Variants in GRM8 observed in about 807,000 individuals in gnomAD.
GRM8 encodes the protein glutamate metabotropic receptor 8, also known as metabotropic glutamate receptor 8.
Under a neutral mutation model 87.2 loss-of-function variants are expected in GRM8, and 47 were observed. That is an observed-to-expected ratio of 0.54 (90% CI 0.43 to 0.69). The LOEUF (loss-of-function observed/expected upper bound fraction) is 0.69. GRM8 is among the 30% of genes least tolerant of loss of function. The pLI, the probability that GRM8 is intolerant of heterozygous loss-of-function variation, is 0.00. For missense variants in GRM8, 1,019 were observed against 1,139.2 expected (o/e 0.89, Z 1.52); for synonymous variants, 396 against 404.5 (o/e 0.98, Z 0.25).
intron 3 of GRM8, among the ~76,000 whole-genome samples, chr7:126,991,222 C>T (rs2131948426): frequency 6.6e-6 from 1 of 152,154 alleles, no homozygotes; most frequent in East Asian, 1.9e-4. Context: ...CTTTACTGTT[C>T]CACTTACTAG....
intron 6 of GRM8, among the ~76,000 whole-genome samples, chr7:126,833,369 A>T (rs1795566687): frequency 6.6e-6 from 1 of 152,206 alleles, no homozygotes; most frequent in South Asian, 2.1e-4. Flanking sequence ...AGTTAACTCC[A>T]GCTATGTCCA....
chr7:126,829,977 A>T (rs992077414), intron 6 of GRM8, among the ~76,000 whole-genome samples: 1 of 152,080 alleles, frequency 6.6e-6, no homozygotes, highest in Non-Finnish European at 1.5e-5. Flanking sequence ...AGTTTGGCTG[A>T]ATATGAAATT....
At chr7:126,984,723 A>C (rs921960499) in intron 3 of GRM8, among the ~76,000 whole-genome samples, 1 of 152,114 alleles carries the variant, frequency 6.6e-6, no homozygotes, top group Non-Finnish European at 1.5e-5. Context: ...CCTAATATAG[A>C]TTTTGTCATT....
At chr7:127,170,379 T>C (rs765275302) in intron 2 of GRM8, among the ~76,000 whole-genome samples, 2 of 152,336 alleles carry the variant, frequency 1.3e-5, no homozygotes, top group African/African-American at 4.8e-5. Context: ...GGAACACTTT[T>C]ACACTGCTGG....
intron 7 of GRM8, among the ~76,000 whole-genome samples, chr7:126,659,011 G>C (rs1346500620): frequency 2.0e-5 from 3 of 152,026 alleles, no homozygotes; most frequent in African/African-American, 7.3e-5. Flanking sequence ...CACACTTGTA[G>C]GTAATTAATA....
intron 7 of GRM8, among the ~76,000 whole-genome samples, chr7:126,764,938 T>TA (rs1353947895): frequency 6.6e-6 from 1 of 152,052 alleles, no homozygotes; most frequent in African/African-American, 2.4e-5. Flanking sequence ...ACTCCCTGCT[T>TA]AAGCTTTCCC....
At chr7:126,532,684 G>C (rs201798924) in intron 9 of GRM8, among the ~76,000 whole-genome samples, 5 of 150,220 alleles carry the variant, frequency 3.3e-5, no homozygotes, top group African/African-American at 9.8e-5. Flanking sequence ...CCTTGCCAAG[G>C]AGGACACATT....
At chr7:127,091,473 C>A in intron 3 of GRM8, among the ~76,000 whole-genome samples, 1 of 88,366 alleles carries the variant, frequency 1.1e-5, no homozygotes, top group South Asian at 6.2e-4. Context: ...CCACCACCAT[C>A]CCCGTCTCAC....
intron 2 of GRM8, among the ~76,000 whole-genome samples, chr7:127,163,541 T>C (rs1188305672): frequency 6.6e-6 from 1 of 152,214 alleles, no homozygotes. Context: ...CCTTAATTCC[T>C]TTTATAAATA....
Position 127,252,827 on chromosome 7 carries a change from G to A in GRM8, c.-342C>T. On this transcript the variant is annotated 5_prime_UTR_variant, in exon 1 of 11. Coordinates refer to ENST00000339582, the MANE Select transcript of GRM8 (RefSeq NM_000845.3). The surrounding 1 kb of genome is among the most constrained non-coding windows in gnomAD (Gnocchi z 4.9). ...TCCCCGCAGAGGGCGCGGTGAGGAA[G>A]CCCGCCGGGGGCCCGCAGCTCCATG... 1 of 207,048 alleles carries A rather than the reference G, an allele frequency of 4.8e-6. No homozygotes were observed. Among genetic ancestry groups the A allele is most frequent in the South Asian group, 7.6e-5 (1 of 13,072 alleles). The allele number at this position is 207,048 out of a possible 1,614,324, so 12.8% of individuals were successfully genotyped here.
intron 7 of GRM8, among the ~76,000 whole-genome samples, chr7:126,720,398 G>A (rs749630623): frequency 3.9e-5 from 6 of 152,048 alleles, no homozygotes; most frequent in Non-Finnish European, 7.4e-5. Flanking sequence ...TGCCTCAGCT[G>A]GGATTACAGG....
chr7:126,653,348 G>A (rs1585384676), intron 7 of GRM8, among the ~76,000 whole-genome samples: 1 of 147,846 alleles, frequency 6.8e-6, no homozygotes, highest in African/African-American at 2.5e-5. Context: ...ACTAAAACAG[G>A]CAATTCAATA....
intron 8 of GRM8, among the ~76,000 whole-genome samples, chr7:126,607,203 C>A (rs1798444916): frequency 6.6e-6 from 1 of 152,040 alleles, no homozygotes; most frequent in African/African-American, 2.4e-5. Context: ...ATATGGATTG[C>A]AGAACAATGG....
intron 3 of GRM8, among the ~76,000 whole-genome samples, chr7:126,937,268 G>A (rs1806433520): frequency 7.8e-6 from 1 of 128,400 alleles, no homozygotes; most frequent in Non-Finnish European, 1.7e-5. Context: ...GTTAGGAGTG[G>A]GCTACCAAAC....
chr7:126,653,692 A>G (rs1383676364), intron 7 of GRM8, among the ~76,000 whole-genome samples: 4 of 152,210 alleles, frequency 2.6e-5, no homozygotes, highest in African/African-American at 9.6e-5. Flanking sequence ...AATAAAAATA[A>G]TAGTCCAGGG....
At chr7:126,729,476 T>C (rs564547307) in intron 7 of GRM8, among the ~76,000 whole-genome samples, 1 of 152,208 alleles carries the variant, frequency 6.6e-6, no homozygotes, top group African/African-American at 2.4e-5. Flanking sequence ...TAAGACCCAG[T>C]TGCCCATATC....
intron 7 of GRM8, among the ~76,000 whole-genome samples, chr7:126,760,954 T>C (rs1461612623): frequency 6.6e-6 from 1 of 152,160 alleles, no homozygotes; most frequent in African/African-American, 2.4e-5. Context: ...CCTAGCACTT[T>C]GGTAGGCCAA....
At chr7:127,249,122 A>G (rs1228523802) in intron 1 of GRM8, among the ~76,000 whole-genome samples, 1 of 152,204 alleles carries the variant, frequency 6.6e-6, no homozygotes, top group Non-Finnish European at 1.5e-5. Context: ...AGCTTTAGGC[A>G]TAACCCTGCC....
chr7:126,488,682 T>A (rs1389514879), intron 9 of GRM8, among the ~76,000 whole-genome samples: 1 of 152,038 alleles, frequency 6.6e-6, no homozygotes, highest in Non-Finnish European at 1.5e-5. Flanking sequence ...CTATTGGATA[T>A]GTACTCACTT....
Sources: gnomAD v4.1 joint callset for allele counts (sites outside exome capture counted in the v4.1 genomes callset) on GRCh38, gnomAD v4.1.1 for gene constraint, Gnocchi (gnomAD v3.1) non-coding constraint, MANE v1.5 for transcripts, NCBI Gene and HGNC (gene_info 2026-07-23, HGNC 2026-07-21) for gene names.